The following TUBA3C variants were observed in gnomAD, a reference collection of about 807,000 sequenced individuals.
TUBA3C encodes the protein tubulin alpha-3C chain.
A neutral mutation model predicts 33.4 loss-of-function variants in TUBA3C; 23 were observed. The observed-to-expected ratio is 0.69, with a 90% CI of 0.50 to 0.98. The LOEUF is 0.98. TUBA3C is among the 50% of genes least tolerant of loss of function. TUBA3C has a pLI of 0.00. For missense variants in TUBA3C, 402 were observed against 616.0 expected, an observed-to-expected ratio of 0.65 and a Z score of 3.68; for synonymous variants, 269 against 250.4, an observed-to-expected ratio of 1.07 and a Z score of -0.70.
chr13:19,177,693 G>C lies in TUBA3C; in HGVS notation c.376-86C>G. 2 of 1,477,688 alleles carry C rather than the reference G, an allele frequency of 1.4e-6. No homozygotes were observed. Among genetic ancestry groups the C allele is most frequent in the African/African-American group, 2.8e-5 (2 of 70,738 alleles). 91.5% of individuals were successfully genotyped at this position (1,477,688 alleles called of 1,614,324 possible). ...AAGCCAGGGCCACTTCTCTGCCTCT[G>C]AAGACTTGATATGGATTCCAATCAT... is the stretch of plus-strand genomic sequence containing the variant. On this transcript the variant is annotated intron_variant, in intron 3 of 4. Coordinates refer to ENST00000400113, the MANE Select transcript of TUBA3C (RefSeq NM_006001.3). This position sits in a 1 kb window ranked among gnomAD's most constrained non-coding sequence, Gnocchi z 5.0.
chr13:19,177,134 G>A lies in TUBA3C; in HGVS notation c.849C>T (p.His283=), dbSNP rs143115179. ...TGATCTCAGCCACGGACAGCTGCTCGTGGTAGGCCTTCTCGGCTGAGATGA... is the reference window on the plus strand; with the variant it reads ...TGATCTCAGCCACGGACAGCTGCTCATGGTAGGCCTTCTCGGCTGAGATGA... ...APVISAEKAY[H]EQLSVAEITN... is the part of the protein sequence containing the mutation. The change falls in exon 4 of 5, where the codon CAC becomes CAT. Residue 283 remains histidine, a synonymous_variant. Transcript: ENST00000400113. This position sits in a 1 kb window ranked among gnomAD's most constrained non-coding sequence, Gnocchi z 5.0. The A allele has an allele frequency of 6.2e-6, 10 of 1,613,260 alleles. No individual in the cohort carries two copies. The highest frequency in any genetic ancestry group is 2.2e-5 in the South Asian group (2 of 90,950).
intron 2 of TUBA3C, among the ~76,000 whole-genome samples, chr13:19,178,704 T>C (rs953906714): frequency 2.2e-4 from 33 of 152,158 alleles, no homozygotes; most frequent in Non-Finnish European, 1.5e-4. Flanking sequence ...ATTCTACAGG[T>C]ACATAATTCT....
intron 4 of TUBA3C, among the ~76,000 whole-genome samples, chr13:19,174,921 C>A (rs1250769859): frequency 6.6e-6 from 1 of 151,884 alleles, no homozygotes; most frequent in Non-Finnish European, 1.5e-5. Flanking sequence ...GAGATCCTAC[C>A]ACTCCTTGGG....
chr13:19,180,649 C>G (rs1565972563), intron 1 of TUBA3C, among the ~76,000 whole-genome samples: 1 of 152,056 alleles, frequency 6.6e-6, no homozygotes. Flanking sequence ...CTACAGGCCA[C>G]TATGCCCAAC....
chr13:19,181,092 G>A (rs1473597304), intron 1 of TUBA3C, among the ~76,000 whole-genome samples: 5 of 148,776 alleles, frequency 3.4e-5, no homozygotes, highest in Admixed American at 6.7e-5. Flanking sequence ...TCTCTCTGTC[G>A]CACAAGCTGG....
intron 4 of TUBA3C, among the ~76,000 whole-genome samples, chr13:19,175,176 C>T (rs2138953723): frequency 6.6e-6 from 1 of 152,242 alleles, no homozygotes; most frequent in African/African-American, 2.4e-5. Context: ...GGCATGAACC[C>T]AGGAGGCGGA....
At chr13:19,175,017 G>A (rs369235584) in intron 4 of TUBA3C, among the ~76,000 whole-genome samples, 19 of 152,274 alleles carry the variant, frequency 1.2e-4, no homozygotes, top group East Asian at 1.2e-3. Flanking sequence ...GGCAGGCCGA[G>A]GTGGACAGAT....
At chr13:19,178,433 C>T in intron 2 of TUBA3C, 39 bp from the exon 3 acceptor site, 1 of 1,608,840 alleles carries the variant, frequency 6.2e-7, no homozygotes, top group Non-Finnish European at 8.5e-7. Flanking sequence ...TCTTTAAGGC[C>T]TATACTCACC....
chr13:19,176,483 G>T (rs1406629908), intron 4 of TUBA3C, among the ~76,000 whole-genome samples: 1 of 152,046 alleles, frequency 6.6e-6, no homozygotes, highest in African/African-American at 2.4e-5. Flanking sequence ...GCCAGGCACA[G>T]TGGCTCACGC....
intron 4 of TUBA3C, among the ~76,000 whole-genome samples, chr13:19,176,161 G>A (rs112821360): frequency 2.6e-5 from 4 of 151,386 alleles, no homozygotes; most frequent in Admixed American, 1.3e-4. Flanking sequence ...GCTCATGCCC[G>A]TAATCCCAAC....
rs1869331105 is a variant in TUBA3C at position 19,179,575 on chromosome 13, A to G, written c.4-12T>C. 6.2e-7 allele frequency: 1 copy of G among 1,612,840 alleles called. No individual in the cohort carries two copies. On this transcript the variant is annotated splice_polypyrimidine_tract_variant and intron_variant, in intron 1 of 4. Transcript: ENST00000400113. Reference sequence around the variant, plus strand: ...GAGATACACTCACGCTGTGAACCAGAACATAAATGTAGACCCATTCATTTC... The same window carrying G: ...GAGATACACTCACGCTGTGAACCAGGACATAAATGTAGACCCATTCATTTC...
chr13:19,180,507 AATT>A (rs1168227641), intron 1 of TUBA3C, among the ~76,000 whole-genome samples: 1 of 148,598 alleles, frequency 6.7e-6, no homozygotes, highest in East Asian at 2.1e-4. Context: ...TATGAAAAAA[AATT>A]TTTTTTTTTT....
chr13:19,180,341 G>A (rs769855629), intron 1 of TUBA3C, among the ~76,000 whole-genome samples: 3 of 150,940 alleles, frequency 2.0e-5, no homozygotes, highest in Non-Finnish European at 4.4e-5. Flanking sequence ...GAGTGTAATG[G>A]CTCCCAGATG....
intron 1 of TUBA3C, among the ~76,000 whole-genome samples, chr13:19,179,837 T>C (rs1030909208): frequency 2.0e-5 from 3 of 152,208 alleles, no homozygotes; most frequent in African/African-American, 7.2e-5. Flanking sequence ...TTGGAAGCCA[T>C]GTAATGTCAG....
At chr13:19,176,716 ACT>A (rs1195525120) in intron 4 of TUBA3C, among the ~76,000 whole-genome samples, 1 of 115,908 alleles carries the variant, frequency 8.6e-6, no homozygotes, top group Non-Finnish European at 1.8e-5. Context: ...ACAAAGCTAG[ACT>A]CTGCCTCAAA....
chr13:19,179,658 C>T, intron 1 of TUBA3C, 95 bp from the exon 2 acceptor site: 1 of 1,403,880 alleles, frequency 7.1e-7, no homozygotes, highest in Non-Finnish European at 9.5e-7. Context: ...TTATATACTG[C>T]TTCAGTATCT....
rs923497577 is a variant in TUBA3C at position 19,177,594 on chromosome 13, G to T, written c.389C>A (p.Thr130Lys). 3 of 1,587,414 alleles carry T rather than the reference G, an allele frequency of 1.9e-6. No individual in the cohort carries two copies. Among genetic ancestry groups the T allele is most frequent in the Non-Finnish European group, 2.6e-6 (3 of 1,166,842 alleles). The change falls in exon 4 of 5, where the codon ACG becomes AAG. Residue 130 changes from threonine to lysine, a missense_variant. Physicochemically the swap from Thr to Lys is moderately conservative, Grantham distance 78. Coordinates refer to ENST00000400113, the MANE Select transcript of TUBA3C (RefSeq NM_006001.3). This position sits in a 1 kb window ranked among gnomAD's most constrained non-coding sequence, Gnocchi z 5.0. ...GAAGATGAGGAAGCCCTGCAGTCCC[G>T]TGCACAGATCCGCCTGAGGGAAACC... The part of the protein sequence containing the change: ...DRIRKLADLC[T>K]GLQGFLIFHS...
At chr13:19,179,289 G>C in intron 2 of TUBA3C, 52 bp downstream of exon 2, 3 of 1,607,034 alleles carry the variant, frequency 1.9e-6, no homozygotes, top group Non-Finnish European at 2.6e-6. Flanking sequence ...CCTTACCGAC[G>C]ATGCTCTCCC....
Position 19,174,164 on chromosome 13 carries a change from CGGA to C in TUBA3C, c.1057-8_1057-6del, listed in dbSNP as rs940707917. The C allele has an allele frequency of 6.2e-6, 10 of 1,608,056 alleles. No homozygotes were observed. The African/African-American group carries it at 9.4e-5, about 15-fold the overall frequency. On this transcript the variant is annotated splice_region_variant and splice_polypyrimidine_tract_variant and intron_variant, in intron 4 of 4. Transcript: ENST00000400113. ...GGGCTGGTAGTTAATGCCCACCTGC[CGGA>C]GAAGAGGAAGAAACAGTCCATGAAG...
Sources: allele counts gnomAD v4.1 joint callset (sites outside exome capture counted in the v4.1 genomes callset), GRCh38; gene constraint gnomAD v4.1.1; non-coding constraint Gnocchi (gnomAD v3.1); transcripts MANE v1.5; gene names NCBI Gene and HGNC (gene_info 2026-07-23, HGNC 2026-07-21).